The following UNC80 variants were observed in gnomAD, a reference collection of about 807,000 sequenced individuals.
UNC80 encodes the protein unc-80 subunit of NALCN channel complex.
UNC80 carries 164 observed loss-of-function variants against 384.6 expected under a neutral mutation model. That is an observed-to-expected ratio of 0.43 (90% CI 0.38 to 0.49). UNC80 has a LOEUF of 0.49. UNC80 is among the 20% of genes least tolerant of loss of function. The pLI is 0.00. For missense variants in UNC80, 3,330 were observed against 4,143.0 expected (o/e 0.80, Z 5.39); for synonymous variants, 1,486 against 1,527.8 (o/e 0.97, Z 0.64).
At chr2:209,794,426 A>T (rs1272064975) in intron 7 of UNC80, among the ~76,000 whole-genome samples, 6 of 152,184 alleles carry the variant, frequency 3.9e-5, no homozygotes, top group African/African-American at 1.4e-4. Flanking sequence ...ATGGGGCAAG[A>T]GCTCCTGAGA....
At chr2:209,867,885 G>T (rs1438797879) in intron 22 of UNC80, among the ~76,000 whole-genome samples, 1 of 152,198 alleles carries the variant, frequency 6.6e-6, no homozygotes, top group Non-Finnish European at 1.5e-5. Context: ...CATTTCAGGT[G>T]TTCTAAATCA....
intron 22 of UNC80, among the ~76,000 whole-genome samples, chr2:209,856,197 A>G (rs1408271488): frequency 1.3e-5 from 2 of 152,112 alleles, no homozygotes; most frequent in East Asian, 3.8e-4. Flanking sequence ...TCTATATTTT[A>G]ACCTAAAGCT....
chr2:209,921,709 C>CT, intron 34 of UNC80, 23 bp downstream of exon 34: 1 of 1,518,674 alleles, frequency 6.6e-7, no homozygotes, highest in Non-Finnish European at 8.8e-7. Context: ...CACAGGACTT[C>CT]TTGGGGGGCT....
chr2:209,849,508 A>G lies in UNC80; in HGVS notation c.3512A>G (p.Asn1171Ser), dbSNP rs764619367. ...SPNQDGGKSK[N>S]VVNLGAIRQG... Reference sequence around the variant, plus strand: ...AACCAAGATGGTGGAAAAAGCAAAAACGTGGTGAATCTTGGAGCAATCCGA... The same window carrying G: ...AACCAAGATGGTGGAAAAAGCAAAAGCGTGGTGAATCTTGGAGCAATCCGA... Residue 1171 changes from asparagine (N) to serine (S), a missense_variant, in exon 22 of 65, where the codon AAC becomes AGC. This residue lies in a region of UNC80 where 801 missense variants were observed against 950.8 expected (regional missense o/e 0.84). Coordinates refer to ENST00000673920, the MANE Select transcript of UNC80 (RefSeq NM_001371986.1). 1 of 1,551,060 alleles carries G rather than the reference A, an allele frequency of 6.4e-7. No individual in the cohort carries two copies. The highest frequency in any genetic ancestry group is 2.4e-5 in the East Asian group (1 of 40,912).
At chr2:209,987,832 A>G (rs186647436) in intron 61 of UNC80, among the ~76,000 whole-genome samples, 1 of 152,328 alleles carries the variant, frequency 6.6e-6, no homozygotes, top group Non-Finnish European at 1.5e-5. Flanking sequence ...ACACACTTTC[A>G]AAGCATAAAA....
chr2:209,946,521 G>A (rs1446032301), intron 47 of UNC80, among the ~76,000 whole-genome samples: 1 of 152,154 alleles, frequency 6.6e-6, no homozygotes, highest in Non-Finnish European at 1.5e-5. Context: ...ATTTAGTCTT[G>A]TTAGAAAATA....
chr2:209,906,621 T>C (rs2088248255), intron 29 of UNC80, among the ~76,000 whole-genome samples: 1 of 152,112 alleles, frequency 6.6e-6, no homozygotes, highest in Non-Finnish European at 1.5e-5. Flanking sequence ...AACTAGACTG[T>C]TTTGCATTTC....
intron 7 of UNC80, among the ~76,000 whole-genome samples, chr2:209,807,841 C>T (rs974957979): frequency 3.3e-5 from 5 of 152,190 alleles, no homozygotes; most frequent in African/African-American, 7.2e-5. Flanking sequence ...AAGTGCAGTA[C>T]AGCTCACACA....
chr2:209,854,550 T>A (rs536046330), intron 22 of UNC80, among the ~76,000 whole-genome samples: 37 of 151,876 alleles, frequency 2.4e-4, no homozygotes, highest in African/African-American at 8.5e-4. Context: ...TTGCAATCTA[T>A]CCATATGACA....
intron 1 of UNC80, among the ~76,000 whole-genome samples, chr2:209,772,834 C>A (rs994279733): frequency 3.3e-5 from 5 of 152,064 alleles, no homozygotes; most frequent in African/African-American, 1.2e-4. Flanking sequence ...TGACCACTGG[C>A]GATTTAAAAT....
intron 33 of UNC80, among the ~76,000 whole-genome samples, chr2:209,919,333 A>G (rs910413858): frequency 3.3e-5 from 5 of 152,320 alleles, no homozygotes; most frequent in African/African-American, 9.6e-5. Flanking sequence ...AGAAAAAAGA[A>G]CACCTCTTTG....
intron 2 of UNC80, among the ~76,000 whole-genome samples, chr2:209,775,222 C>T (rs963271639): frequency 6.6e-6 from 1 of 152,064 alleles, no homozygotes; most frequent in Non-Finnish European, 1.5e-5. Context: ...TCTGAGTATC[C>T]CTGGCAAGGA....
intron 33 of UNC80, 65 bp from the exon 34 acceptor site, chr2:209,921,435 C>T (rs2090033730): frequency 2.8e-6 from 4 of 1,432,412 alleles, no homozygotes; most frequent in African/African-American, 1.4e-5. Context: ...CATTGGAACA[C>T]TCTTTATGCC....
chr2:209,773,034 G>A (rs2076670613), intron 1 of UNC80, 60 bp from the exon 2 acceptor site: 5 of 1,334,274 alleles, frequency 3.7e-6, no homozygotes, highest in African/African-American at 2.9e-5. Flanking sequence ...TACGTCACAA[G>A]GATGCTTTAA....
At chr2:209,837,760 C>G (rs1372173478) in intron 18 of UNC80, among the ~76,000 whole-genome samples, 1 of 151,368 alleles carries the variant, frequency 6.6e-6, no homozygotes, top group Non-Finnish European at 1.5e-5. Context: ...TTTTGACCTT[C>G]TTGTACCTAC....
Position 209,771,926 on chromosome 2 carries a change from A to G in UNC80, c.-147A>G, listed in dbSNP as rs1290427267. ...GCGCGGGGAGGGGTGGGGGGAGGGG[A>G]GAGGCACGGGGGATCAGGGCGGAGA... On this transcript the variant is annotated 5_prime_UTR_variant, in exon 1 of 65. Transcript: ENST00000673920. 1.6e-6 allele frequency: 1 copy of G among 632,082 alleles called. No homozygotes were observed. The highest frequency in any genetic ancestry group is 3.3e-5 in the East Asian group (1 of 30,394). 39.2% of individuals were successfully genotyped at this position (632,082 alleles called of 1,614,324 possible).
rs1344583275 is a variant in UNC80 at position 209,992,352 on chromosome 2, G to A, written c.9396+105G>A. 9 of 1,100,186 alleles carry A rather than the reference G, an allele frequency of 8.2e-6. 1 individual carries two copies. Among genetic ancestry groups the A allele is most frequent in the South Asian group, 6.2e-5 (4 of 64,394 alleles). 68.2% of individuals were successfully genotyped at this position (1,100,186 alleles called of 1,614,324 possible). On this transcript the variant is annotated intron_variant, in intron 62 of 64. Coordinates refer to ENST00000673920, the MANE Select transcript of UNC80 (RefSeq NM_001371986.1). ...AGATATTTTGCTGCTGGACGTGCCC[G>A]GAATCCCAGCTACTGGGGAGGCTGA...
chr2:209,943,623 T>C, intron 45 of UNC80, 109 bp downstream of exon 45: 2 of 1,337,934 alleles, frequency 1.5e-6, no homozygotes, highest in Admixed American at 2.4e-5. Context: ...TCACTTGTGT[T>C]TTGGCAGAGA....
chr2:209,995,594 A>G lies in UNC80; in HGVS notation c.9974A>G (p.Ter3325=). ...GCAGTATTAGATGAGTCTCATGTTT[A>G]ATTCTGTATCTTGTAAGCTCTGCAG... ...TDAVLDESHV[*] is the part of the protein sequence containing the mutation. Residue 3325 remains the stop codon, a stop_retained_variant, in exon 65 of 65, where the codon TAA becomes TGA. Transcript: ENST00000673920. 1.3e-6 allele frequency: 2 copies of G among 1,551,886 alleles called. No individual in the cohort carries two copies. The highest frequency in any genetic ancestry group is 1.7e-6 in the Non-Finnish European group (2 of 1,146,966).
Sources: gnomAD v4.1 joint callset for allele counts (sites outside exome capture counted in the v4.1 genomes callset) on GRCh38, gnomAD v4.1.1 for gene constraint, gnomAD v4.1.1 regional missense constraint, MANE v1.5 for transcripts, NCBI Gene and HGNC (gene_info 2026-07-23, HGNC 2026-07-21) for gene names.